Variants in AP1B1 observed in about 807,000 individuals in gnomAD.
AP1B1 encodes AP-1 complex subunit beta-1.
AP1B1 carries 36 observed loss-of-function variants against 104.3 expected under a neutral mutation model. The observed-to-expected ratio is 0.35, with a 90% confidence interval of 0.26 to 0.46. AP1B1 has a LOEUF of 0.46. Among genes scored for constraint, AP1B1 ranks in the 20% least tolerant of loss-of-function variants. The probability of loss-of-function intolerance (pLI) is 1.00; values close to 1 mark genes in which losing one functional copy is unlikely to be tolerated. For missense variants in AP1B1, 901 were observed against 1,247.9 expected (o/e 0.72, Z 4.19); for synonymous variants, 504 against 517.5 (o/e 0.97, Z 0.35).
rs749596101 is a variant in AP1B1, at chr22:29,358,908, C to T, written c.343G>A (p.Val115Ile). 3.7e-6 allele frequency: 6 copies of T among 1,613,070 alleles called. No individual in the cohort carries two copies. The highest frequency in any genetic ancestry group is 2.5e-6 in the Non-Finnish European group (3 of 1,179,630). Residue 115 changes from valine to isoleucine, a missense_variant, in exon 5 of 23, where the codon GTT becomes ATT. This residue lies in a region of AP1B1 where 471 missense variants were observed against 696.7 expected (regional missense o/e 0.68). Transcript: ENST00000357586. ...LAVRTMGCIR[V>I]DKITEYLCEP... ...CACAGGTACTCTGTGATCTTGTCAA[C>T]GCGGATGCAGCCCATGGTCCGCACT...
At chr22:29,359,702 G>T in intron 4 of AP1B1, 122 bp downstream of exon 4, 1 of 1,303,264 alleles carries the variant, frequency 7.7e-7, no homozygotes, top group Non-Finnish European at 1.0e-6. Context: ...CAGGCTGGGC[G>T]GGCGCGGGCA....
intron 1 of AP1B1, among the ~76,000 whole-genome samples, chr22:29,381,802 T>C (rs983738779): frequency 1.4e-4 from 21 of 151,986 alleles, no homozygotes; most frequent in Non-Finnish European, 5.9e-5. Flanking sequence ...TGGGGGGCTC[T>C]GGCACAGGAT....
At chr22:29,349,448 G>T in intron 10 of AP1B1, 65 bp from the exon 11 acceptor site, 1 of 1,576,776 alleles carries the variant, frequency 6.3e-7, no homozygotes. Context: ...AGGGAAGCCA[G>T]ACAGGGGCCA....
At chr22:29,339,642 C>A in intron 15 of AP1B1, 112 bp downstream of exon 15, 1 of 1,167,306 alleles carries the variant, frequency 8.6e-7, no homozygotes, top group Admixed American at 2.1e-5. Flanking sequence ...GGCAGGGGCT[C>A]AGCAGGTGGA....
intron 17 of AP1B1, among the ~76,000 whole-genome samples, chr22:29,332,998 G>A (rs1306095820): frequency 6.6e-5 from 10 of 152,252 alleles, no homozygotes; most frequent in Non-Finnish European, 1.5e-4. Flanking sequence ...GGGTGCCCAG[G>A]AAGCATTCAG....
chr22:29,349,472 C>A, intron 10 of AP1B1, 89 bp from the exon 11 acceptor site: 1 of 1,442,124 alleles, frequency 6.9e-7, no homozygotes, highest in Non-Finnish European at 9.5e-7. Flanking sequence ...GGGAAGGGGA[C>A]CTGCCTCCTA....
At chr22:29,342,822 C>T (rs937790627) in intron 11 of AP1B1, among the ~76,000 whole-genome samples, 1 of 152,218 alleles carries the variant, frequency 6.6e-6, no homozygotes, top group African/African-American at 2.4e-5. Context: ...CGTCAAGGAC[C>T]TGTGCTTCTA....
At chr22:29,374,558 T>C (rs2062302241) in intron 1 of AP1B1, among the ~76,000 whole-genome samples, 1 of 135,514 alleles carries the variant, frequency 7.4e-6, no homozygotes, top group Non-Finnish European at 1.6e-5. Context: ...ACACAGAAAC[T>C]GAAACTACGG....
At chr22:29,337,895 C>T (rs1452877575) in intron 16 of AP1B1, among the ~76,000 whole-genome samples, 2 of 152,240 alleles carry the variant, frequency 1.3e-5, no homozygotes, top group South Asian at 2.1e-4. Flanking sequence ...CCTGCAGACG[C>T]AGCCATCTTT....
intron 4 of AP1B1, 134 bp downstream of exon 4, chr22:29,359,689 CT>C: frequency 8.5e-7 from 1 of 1,170,046 alleles, no homozygotes; most frequent in Non-Finnish European, 1.2e-6. Flanking sequence ...AGGAAGAGGC[CT>C]GCAGGCTGGG....
chr22:29,383,371 G>A (rs974306388), intron 1 of AP1B1, among the ~76,000 whole-genome samples: 5 of 152,160 alleles, frequency 3.3e-5, no homozygotes, highest in Non-Finnish European at 5.9e-5. Context: ...ATGGAACTCA[G>A]CTACTGAAAT....
chr22:29,337,578 G>T (rs570571586), intron 16 of AP1B1, among the ~76,000 whole-genome samples: 1 of 152,282 alleles, frequency 6.6e-6, no homozygotes, highest in Non-Finnish European at 1.5e-5. Flanking sequence ...AGAAGAGAGA[G>T]GGGAGCTCTG....
rs1246961920 is a variant in AP1B1 at position 29,345,310 on chromosome 22, G to A, written c.1438-2927C>T. On this transcript the variant is annotated intron_variant, in intron 11 of 22. Coordinates refer to ENST00000357586, the MANE Select transcript of AP1B1 (RefSeq NM_001127.4). ...TGGACTCAAAAGATCCTCCTGCCTC[G>A]GCCTCCCAAAGTGCTGGGTTACAGG... 1.3e-5 allele frequency among the ~76,000 whole-genome samples: 2 copies of A among 149,820 alleles called. 1 individual carries two copies. Among genetic ancestry groups the A allele is most frequent in the Non-Finnish European group, 3.0e-5 (2 of 67,712 alleles).
At chr22:29,383,585 T>C (rs2062471940) in intron 1 of AP1B1, among the ~76,000 whole-genome samples, 1 of 150,146 alleles carries the variant, frequency 6.7e-6, no homozygotes, top group South Asian at 2.1e-4. Flanking sequence ...GGCGGGCGCC[T>C]GTAATCCCAG....
chr22:29,372,317 G>A (rs990191982), intron 1 of AP1B1, among the ~76,000 whole-genome samples: 4 of 151,670 alleles, frequency 2.6e-5, no homozygotes, highest in African/African-American at 7.3e-5. Context: ...CCAGCTACTC[G>A]GGAGGCTGAG....
At chr22:29,372,613 A>G (rs1045916461) in intron 1 of AP1B1, among the ~76,000 whole-genome samples, 7 of 151,766 alleles carry the variant, frequency 4.6e-5, no homozygotes, top group Admixed American at 4.6e-4. Context: ...GGTCCTAAGG[A>G]AAAAAAAGGG....
chr22:29,349,179 C>T (rs371155035), intron 11 of AP1B1, 39 bp downstream of exon 11: 2 of 1,603,074 alleles, frequency 1.2e-6, no homozygotes, highest in Non-Finnish European at 8.5e-7. Flanking sequence ...GGCTGAGCTG[C>T]CAGTCATGAC....
intron 11 of AP1B1, among the ~76,000 whole-genome samples, chr22:29,344,514 A>ATTTT (rs35466454): frequency 1.6e-4 from 15 of 93,794 alleles, no homozygotes; most frequent in Non-Finnish European, 2.2e-4. Flanking sequence ...CCTGGCCAAG[A>ATTTT]TTTTTTTTTT....
At chr22:29,366,110 G>A (rs1210074567) in intron 2 of AP1B1, among the ~76,000 whole-genome samples, 4 of 152,114 alleles carry the variant, frequency 2.6e-5, no homozygotes, top group Non-Finnish European at 5.9e-5. Flanking sequence ...AAGGAAGGAG[G>A]GAGGAATAAA....
Sources: allele counts gnomAD v4.1 joint callset (sites outside exome capture counted in the v4.1 genomes callset), GRCh38; gene constraint gnomAD v4.1.1; regional missense constraint gnomAD v4.1.1; transcripts MANE v1.5; gene names NCBI Gene and HGNC (gene_info 2026-07-23, HGNC 2026-07-21).